The following AUTS2 variants were observed in gnomAD, a reference collection of about 807,000 sequenced individuals.
AUTS2 encodes activator of transcription and developmental regulator AUTS2.
AUTS2 carries 17 observed loss-of-function variants against 112.4 expected under a neutral mutation model. The observed-to-expected ratio is 0.15, with a 90% CI of 0.10 to 0.23. The LOEUF (loss-of-function observed/expected upper bound fraction) is 0.23. Ranked by LOEUF, AUTS2 falls within the 10% of genes least tolerant of loss-of-function variation. The probability of loss-of-function intolerance (pLI) is 1.00; values close to 1 mark genes in which losing one functional copy is unlikely to be tolerated. For synonymous variants in AUTS2, 751 were observed against 702.7 expected, an observed-to-expected ratio of 1.07 and a Z score of -1.09; for missense variants, 1,510 against 1,701.6, an observed-to-expected ratio of 0.89 and a Z score of 1.98.
At chr7:70,215,221 A>G (rs991031666) in intron 4 of AUTS2, among the ~76,000 whole-genome samples, 2 of 152,220 alleles carry the variant, frequency 1.3e-5, no homozygotes, top group Non-Finnish European at 2.9e-5. Flanking sequence ...TTGAGGCTGC[A>G]GTGAGGTATG....
chr7:70,295,200 C>G (rs1788876776), intron 4 of AUTS2, among the ~76,000 whole-genome samples: 1 of 152,162 alleles, frequency 6.6e-6, no homozygotes, highest in Admixed American at 6.5e-5. Flanking sequence ...TAAGATGGGT[C>G]TTAATCACTG....
At chr7:69,664,996 C>CT (rs1795965370) in intron 1 of AUTS2, among the ~76,000 whole-genome samples, 1 of 152,180 alleles carries the variant, frequency 6.6e-6, no homozygotes, top group Non-Finnish European at 1.5e-5. Context: ...ATCACCTTTA[C>CT]TTGAGGTTCT....
At chr7:69,611,244 C>T (rs1314793927) in intron 1 of AUTS2, among the ~76,000 whole-genome samples, 1 of 152,092 alleles carries the variant, frequency 6.6e-6, no homozygotes, top group Non-Finnish European at 1.5e-5. Flanking sequence ...ATATGAGGCC[C>T]CCAGAGGGAG....
At chr7:70,719,362 A>G (rs1042329476) in intron 6 of AUTS2, among the ~76,000 whole-genome samples, 2 of 152,182 alleles carry the variant, frequency 1.3e-5, no homozygotes, top group Non-Finnish European at 2.9e-5. Flanking sequence ...CAAGGGCTCA[A>G]TAACAGGAGT....
intron 4 of AUTS2, among the ~76,000 whole-genome samples, chr7:70,435,445 T>C (rs1795852362): frequency 6.6e-6 from 1 of 152,184 alleles, no homozygotes; most frequent in South Asian, 2.1e-4. Context: ...TACCCTGCCA[T>C]GGTGGGAGGG....
chr7:70,126,018 T>C (rs1235816324), intron 3 of AUTS2, among the ~76,000 whole-genome samples: 2 of 152,238 alleles, frequency 1.3e-5, no homozygotes, highest in Admixed American at 1.3e-4. Flanking sequence ...CTAATCAAAA[T>C]AGTATATTAT....
intron 4 of AUTS2, among the ~76,000 whole-genome samples, chr7:70,348,972 A>C (rs1424612376): frequency 6.6e-6 from 1 of 152,230 alleles, no homozygotes; most frequent in Non-Finnish European, 1.5e-5. Context: ...TATTAGTCTT[A>C]AGAACTTTTT....
intron 4 of AUTS2, among the ~76,000 whole-genome samples, chr7:70,336,200 A>T (rs763047563): frequency 5.3e-5 from 8 of 152,148 alleles, no homozygotes; most frequent in Non-Finnish European, 1.0e-4. Context: ...GTTATTTGTT[A>T]AAAAAATAAA....
chr7:70,390,681 G>A (rs916807717), intron 4 of AUTS2, among the ~76,000 whole-genome samples: 6 of 151,920 alleles, frequency 3.9e-5, no homozygotes, highest in Admixed American at 6.6e-5. Flanking sequence ...GAGAATGGCC[G>A]GCACTCAACT....
chr7:69,955,569 C>T (rs755494824), intron 2 of AUTS2, among the ~76,000 whole-genome samples: 11 of 152,100 alleles, frequency 7.2e-5, no homozygotes, highest in East Asian at 1.9e-4. Context: ...ATACTGGCAC[C>T]GCTCAGTGGC....
At chr7:70,661,967 T>C (rs1039685933) in intron 5 of AUTS2, among the ~76,000 whole-genome samples, 4 of 151,924 alleles carry the variant, frequency 2.6e-5, no homozygotes, top group Non-Finnish European at 5.9e-5. Flanking sequence ...CTTCCTTTCC[T>C]GCAGGAAGGT....
intron 5 of AUTS2, among the ~76,000 whole-genome samples, chr7:70,561,144 C>G (rs1801468101): frequency 6.6e-6 from 1 of 152,190 alleles, no homozygotes; most frequent in South Asian, 2.1e-4. Flanking sequence ...TTCATTTTTC[C>G]TTTCTAAATC....
chr7:70,500,667 A>G (rs774997225), intron 5 of AUTS2, among the ~76,000 whole-genome samples: 20 of 152,062 alleles, frequency 1.3e-4, no homozygotes, highest in Non-Finnish European at 2.8e-4. Flanking sequence ...TGCTTAGAGA[A>G]ATGCTTAGCC....
intron 5 of AUTS2, among the ~76,000 whole-genome samples, chr7:70,535,643 G>A (rs1800287058): frequency 1.3e-5 from 2 of 152,102 alleles, no homozygotes; most frequent in South Asian, 4.1e-4. Flanking sequence ...TCAAACTCCT[G>A]ACCTCAGGTG....
At chr7:70,183,429 T>G (rs1809428164) in intron 4 of AUTS2, among the ~76,000 whole-genome samples, 1 of 152,220 alleles carries the variant, frequency 6.6e-6, no homozygotes, top group African/African-American at 2.4e-5. Context: ...ACAAATGTGT[T>G]AATTATTGCA....
intron 2 of AUTS2, among the ~76,000 whole-genome samples, chr7:69,972,469 G>A (rs1181194111): frequency 6.6e-6 from 1 of 152,114 alleles, no homozygotes; most frequent in African/African-American, 2.4e-5. Context: ...GCAGTCCAGT[G>A]TATGGATCCT....
chr7:70,621,323 G>C (rs902141649), intron 5 of AUTS2, among the ~76,000 whole-genome samples: 1 of 152,154 alleles, frequency 6.6e-6, no homozygotes, highest in African/African-American at 2.4e-5. Context: ...AGGGTGGGGG[G>C]TTCTCCCCTT....
intron 1 of AUTS2, among the ~76,000 whole-genome samples, chr7:69,883,046 G>T (rs1031400602): frequency 6.6e-6 from 1 of 152,172 alleles, no homozygotes; most frequent in East Asian, 1.9e-4. Context: ...TCCAGGAGAA[G>T]AAATGGAGGC....
intron 18 of AUTS2, among the ~76,000 whole-genome samples, chr7:70,788,403 G>A (rs1404707311): frequency 6.6e-6 from 1 of 152,132 alleles, no homozygotes; most frequent in Non-Finnish European, 1.5e-5. Flanking sequence ...CATGCTGACT[G>A]ATAAAAGAAA....
Sources: allele counts gnomAD v4.1 joint callset (sites outside exome capture counted in the v4.1 genomes callset), GRCh38; gene constraint gnomAD v4.1.1; transcripts MANE v1.5; gene names NCBI Gene and HGNC (gene_info 2026-07-23, HGNC 2026-07-21).